PRKN: variants seen among roughly 807,000 people sequenced by gnomAD.
The protein encoded by PRKN is parkin RBR E3 ubiquitin protein ligase, also known as E3 ubiquitin-protein ligase parkin.
PRKN carries 56 observed loss-of-function variants against 59.5 expected under a neutral mutation model. The ratio of observed to expected loss-of-function variants is 0.94; its 90% CI spans 0.76 to 1.18. The LOEUF (loss-of-function observed/expected upper bound fraction) is 1.18, where lower values mean the gene tolerates loss of function less well. PRKN is among the 50% of genes most tolerant of loss of function. The pLI is 0.00. For synonymous variants in PRKN, 250 were observed against 222.1 expected (o/e 1.13, Z -1.12); for missense variants, 657 against 596.4 (o/e 1.10, Z -1.06).
At chr6:162,396,722 G>A (rs922230230) in intron 2 of PRKN, among the ~76,000 whole-genome samples, 4 of 152,022 alleles carry the variant, frequency 2.6e-5, no homozygotes, top group African/African-American at 7.2e-5. Flanking sequence ...GTGTAAGATC[G>A]ATATAAATTA....
Position 162,367,165 on chromosome 6 carries a change from C to T in PRKN, c.171+76145G>A, listed in dbSNP as rs1350419273. Among the ~76,000 whole-genome samples the T allele has an allele frequency of 2.0e-5, 3 of 152,096 alleles. No homozygotes were observed. In the East Asian group the frequency reaches 5.8e-4, roughly 29 times the overall value. On this transcript the variant is annotated intron_variant, in intron 2 of 11. Coordinates refer to ENST00000366898, the MANE Select transcript of PRKN (RefSeq NM_004562.3). ...ATGGTTTTATCAGGGACTTTTTCCC[C>T]TTTTGCTCGGCAGTTCTCCTTGCTG...
intron 4 of PRKN, among the ~76,000 whole-genome samples, chr6:162,115,516 A>C (rs1289252805): frequency 2.0e-5 from 3 of 150,746 alleles, no homozygotes. Context: ...AAATACATTA[A>C]AATAAATAAA....
intron 4 of PRKN, among the ~76,000 whole-genome samples, chr6:162,074,687 C>T (rs965818551): frequency 1.1e-4 from 17 of 152,098 alleles, no homozygotes; most frequent in Admixed American, 5.9e-4. Context: ...TGAAGTGACT[C>T]GTCCTCCACG....
intron 9 of PRKN, among the ~76,000 whole-genome samples, chr6:161,534,627 C>T (rs1779346637): frequency 6.6e-6 from 1 of 152,214 alleles, no homozygotes; most frequent in Non-Finnish European, 1.5e-5. Flanking sequence ...TGCCATGCGG[C>T]TATGCTGTTT....
At chr6:162,088,074 A>T (rs1779329280) in intron 4 of PRKN, among the ~76,000 whole-genome samples, 1 of 152,156 alleles carries the variant, frequency 6.6e-6, no homozygotes, top group Non-Finnish European at 1.5e-5. Flanking sequence ...CCAATTTCTA[A>T]CCCTGTCCCA....
chr6:162,059,939 A>T (rs929558226), intron 4 of PRKN, among the ~76,000 whole-genome samples: 14 of 152,318 alleles, frequency 9.2e-5, no homozygotes, highest in African/African-American at 3.4e-4. Context: ...CATGAAAACT[A>T]TGAGAAATTT....
At chr6:161,655,800 T>G (rs1315458109) in intron 7 of PRKN, among the ~76,000 whole-genome samples, 1 of 150,900 alleles carries the variant, frequency 6.6e-6, no homozygotes, top group Non-Finnish European at 1.5e-5. Context: ...GAAAATAAAA[T>G]GAGTTGACAC....
Position 162,332,824 on chromosome 6 carries a change from T to C in PRKN, c.172-70059A>G, listed in dbSNP as rs537512136. Among the ~76,000 whole-genome samples the C allele has an allele frequency of 2.8e-4, 42 of 152,138 alleles. No homozygotes were observed. The South Asian group carries it at 7.5e-3, about 27-fold the overall frequency. On this transcript the variant is annotated intron_variant, in intron 2 of 11. Transcript: ENST00000366898. ...TGTCACCTACTACAGTTCCATCCAATAGCACCACCACCAACACTTCCACTG... is the reference window on the plus strand; with the variant it reads ...TGTCACCTACTACAGTTCCATCCAACAGCACCACCACCAACACTTCCACTG...
At chr6:162,048,722 T>TAA (rs58981275) in intron 5 of PRKN, among the ~76,000 whole-genome samples, 23,950 of 141,494 alleles carry the variant, frequency 0.17, 2,673 homozygotes, top group East Asian at 0.55. Flanking sequence ...GCTGATGAAC[T>TAA]AAAAAAAAAA....
intron 9 of PRKN, among the ~76,000 whole-genome samples, chr6:161,425,768 T>C (rs1788315834): frequency 6.6e-6 from 1 of 152,204 alleles, no homozygotes; most frequent in South Asian, 2.1e-4. Flanking sequence ...TACTCAAATT[T>C]TGTGCTTTGT....
intron 6 of PRKN, among the ~76,000 whole-genome samples, chr6:161,931,783 T>C (rs1394098457): frequency 6.6e-6 from 1 of 152,244 alleles, no homozygotes; most frequent in African/African-American, 2.4e-5. Flanking sequence ...GGATTATTTG[T>C]ACTTTCCCCT....
At chr6:162,620,615 G>A (rs1782624290) in intron 1 of PRKN, among the ~76,000 whole-genome samples, 1 of 152,076 alleles carries the variant, frequency 6.6e-6, no homozygotes, top group Admixed American at 6.5e-5. Context: ...TCTCCATTTA[G>A]TTTCAGTTTT....
Position 162,164,860 on chromosome 6 carries a change from T to A in PRKN, c.534+36271A>T, listed in dbSNP as rs1782911033. Among the ~76,000 whole-genome samples the A allele has an allele frequency of 2.0e-5, 3 of 148,842 alleles. 1 individual carries two copies. Among genetic ancestry groups the A allele is most frequent in the Non-Finnish European group, 4.5e-5 (3 of 67,362 alleles). ...CTCCAGAAAAAATGGTAATACTAATTTTTACATATATTAGAAACTAAACAT... is the reference window on the plus strand; with the variant it reads ...CTCCAGAAAAAATGGTAATACTAATATTTACATATATTAGAAACTAAACAT... On this transcript the variant is annotated intron_variant, in intron 4 of 11. Coordinates refer to ENST00000366898, the MANE Select transcript of PRKN (RefSeq NM_004562.3).
intron 7 of PRKN, among the ~76,000 whole-genome samples, chr6:161,701,040 T>C (rs1786231345): frequency 6.6e-6 from 1 of 152,204 alleles, no homozygotes; most frequent in Admixed American, 6.5e-5. Context: ...CCCTTGAGAT[T>C]TATTAGGAAA....
rs1459662670 is a variant in PRKN at position 161,578,714 on chromosome 6, C to T, written c.872-9298G>A. ...CTTCCTGCACTAGATCTAATCAGCG[C>T]TGCTCTGCAATAGATTTTCTGTGGT... is the stretch of plus-strand genomic sequence containing the variant. On this transcript the variant is annotated intron_variant, in intron 7 of 11. Transcript: ENST00000366898. This position sits in a 1 kb window ranked among gnomAD's most constrained non-coding sequence, Gnocchi z 4.2. Among the ~76,000 whole-genome samples the T allele has an allele frequency of 6.6e-6, 1 of 152,200 alleles. No individual in the cohort carries two copies. Among genetic ancestry groups the T allele is most frequent in the Non-Finnish European group, 1.5e-5 (1 of 68,044 alleles).
intron 7 of PRKN, among the ~76,000 whole-genome samples, chr6:161,571,765 G>C (rs1780898575): frequency 6.6e-6 from 1 of 152,172 alleles, no homozygotes; most frequent in African/African-American, 2.4e-5. Flanking sequence ...GTTTCTGGGA[G>C]AGACTGGCAT....
At chr6:162,585,846 C>A (rs916583411) in intron 1 of PRKN, among the ~76,000 whole-genome samples, 3 of 151,750 alleles carry the variant, frequency 2.0e-5, no homozygotes, top group Non-Finnish European at 4.4e-5. Context: ...GGATTACAGG[C>A]GCGTGCCACC....
At chr6:162,674,559 G>A (rs780366756) in intron 1 of PRKN, among the ~76,000 whole-genome samples, 1 of 152,182 alleles carries the variant, frequency 6.6e-6, no homozygotes, top group Non-Finnish European at 1.5e-5. Context: ...GTTGAACACT[G>A]TGTGATAGGA....
chr6:161,648,219 G>C (rs1196750251), intron 7 of PRKN, among the ~76,000 whole-genome samples: 2 of 152,148 alleles, frequency 1.3e-5, no homozygotes, highest in African/African-American at 4.8e-5. Context: ...AACTCACACA[G>C]ATATGGATTG....
Sources: allele counts gnomAD v4.1 joint callset (sites outside exome capture counted in the v4.1 genomes callset), GRCh38; gene constraint gnomAD v4.1.1; non-coding constraint Gnocchi (gnomAD v3.1); transcripts MANE v1.5; gene names NCBI Gene and HGNC (gene_info 2026-07-23, HGNC 2026-07-21).